The following ENOX2 variants were observed in gnomAD, a reference collection of about 807,000 sequenced individuals.
ENOX2 encodes the protein APK1 antigen.
A neutral mutation model predicts 45.0 loss-of-function variants in ENOX2; 36 were observed. The ratio of observed to expected loss-of-function variants is 0.80; its 90% CI spans 0.61 to 1.06. ENOX2 has a LOEUF of 1.06. Ranked by LOEUF, ENOX2 falls within the 50% of genes least tolerant of loss-of-function variation. The pLI is 0.00. For missense variants in ENOX2, 423 were observed against 462.5 expected (o/e 0.91, Z 0.78); for synonymous variants, 174 against 152.3 (o/e 1.14, Z -1.05).
chrX:130,894,704 A>G (rs2079033762), intron 2 of ENOX2, among the ~76,000 whole-genome samples: 1 of 111,352 alleles, frequency 9.0e-6, no homozygotes, highest in Non-Finnish European at 1.9e-5. Flanking sequence ...CATATAGGAC[A>G]ATGGCCATAC....
chrX:130,847,306 T>C (rs1166810917), intron 2 of ENOX2, among the ~76,000 whole-genome samples: 2 of 111,633 alleles, frequency 1.8e-5, no homozygotes, highest in Non-Finnish European at 3.8e-5. Flanking sequence ...TATTAATATA[T>C]AAGCATAATT....
At chrX:130,790,630 A>G (rs2077029595) in intron 2 of ENOX2, among the ~76,000 whole-genome samples, 2 of 112,455 alleles carry the variant, frequency 1.8e-5, no homozygotes, top group South Asian at 7.4e-4. Flanking sequence ...GAACTACAGC[A>G]TTCACTGAAT....
chrX:130,727,686 A>G (rs930721797), intron 3 of ENOX2, among the ~76,000 whole-genome samples: 2 of 112,257 alleles, frequency 1.8e-5, no homozygotes, highest in African/African-American at 3.2e-5. Flanking sequence ...CAGAGCAGGA[A>G]AGGTTGCAGA....
Position 130,677,959 on chromosome X carries a change from C to T in ENOX2, c.460+1583G>A, listed in dbSNP as rs145288192. The stretch of plus-strand genomic sequence containing the variant: ...AAAATTAGCCGGGCGTGGTGGCAGG[C>T]GCCTGTAATCCCACCTACTCGGGAG... On this transcript the variant is annotated intron_variant, in intron 6 of 14. Transcript: ENST00000394363. Among the ~76,000 whole-genome samples the T allele has an allele frequency of 1.3e-3, 137 of 108,885 alleles. 1 individual carries two copies. The highest frequency in any genetic ancestry group is 9.0e-4 in the Non-Finnish European group (47 of 52,347). 94.6% of individuals were successfully genotyped at this position (108,885 alleles called of 115,157 possible). A position where few individuals can be genotyped will look rare whatever the true frequency, so the allele number is the denominator to read the frequency against.
At chrX:130,756,819 T>C (rs2039365990) in intron 3 of ENOX2, among the ~76,000 whole-genome samples, 1 of 112,353 alleles carries the variant, frequency 8.9e-6, no homozygotes, top group Non-Finnish European at 1.9e-5. Context: ...AATTGGTAAA[T>C]TGACTTTGGG....
At chrX:130,837,653 G>A (rs1312859992) in intron 2 of ENOX2, among the ~76,000 whole-genome samples, 1 of 111,310 alleles carries the variant, frequency 9.0e-6, no homozygotes, top group Admixed American at 9.5e-5. Context: ...AATTCCTATG[G>A]CTACCTGGGT....
intron 2 of ENOX2, among the ~76,000 whole-genome samples, chrX:130,867,756 T>G (rs1183591966): frequency 8.9e-6 from 1 of 111,753 alleles, no homozygotes; most frequent in Non-Finnish European, 1.9e-5. Flanking sequence ...TTTGAGAAAA[T>G]TACTGCCAAA....
chrX:130,886,293 G>A (rs1255083277), intron 2 of ENOX2, among the ~76,000 whole-genome samples: 1 of 112,771 alleles, frequency 8.9e-6, no homozygotes, highest in Non-Finnish European at 1.9e-5. Flanking sequence ...AAGCGTAGGA[G>A]CATAATATTT....
At chrX:130,779,395 C>T (rs921431752) in intron 3 of ENOX2, among the ~76,000 whole-genome samples, 1 of 112,226 alleles carries the variant, frequency 8.9e-6, no homozygotes, top group Non-Finnish European at 1.9e-5. Context: ...GATTACTGGT[C>T]TACTTCATAG....
Position 130,656,630 on chromosome X carries a change from AG to A in ENOX2, c.1079del (p.Ser360LeufsTer5). On this transcript the variant is annotated frameshift_variant, in exon 10 of 15. Coordinates refer to ENST00000394363, the MANE Select transcript of ENOX2 (RefSeq NM_006375.4). LOFTEE classifies it high-confidence loss of function. Reference protein sequence around the residue: ...GIRREEEMEMSDDEIEEMTET... With the variant: ...GIRREEEMEMXDDEIEEMTET... ...CTGTCATTTCTTCTATTTCATCATC[AG>A]ACATTTCCATTTCTTCTTCTCGCCT... 1 of 1,179,784 alleles carries A rather than the reference AG, an allele frequency of 8.5e-7. No homozygotes were observed. Among genetic ancestry groups the A allele is most frequent in the Non-Finnish European group, 1.1e-6 (1 of 869,730 alleles).
At chrX:130,712,765 T>C (rs1187461315) in intron 3 of ENOX2, among the ~76,000 whole-genome samples, 1 of 111,619 alleles carries the variant, frequency 9.0e-6, no homozygotes, top group East Asian at 2.8e-4. Flanking sequence ...CTTCCAAGTG[T>C]ACTTTACCCT....
At chrX:130,716,121 T>C (rs995321121) in intron 3 of ENOX2, among the ~76,000 whole-genome samples, 8 of 111,589 alleles carry the variant, frequency 7.2e-5, no homozygotes, top group African/African-American at 1.6e-4. Context: ...ATTATGGTTT[T>C]GTGATTAAAA....
chrX:130,712,474 T>C (rs1227422456), intron 3 of ENOX2, among the ~76,000 whole-genome samples: 1 of 111,721 alleles, frequency 9.0e-6, no homozygotes, highest in East Asian at 2.8e-4. Flanking sequence ...GGCATGTGCA[T>C]TAAGAGACAA....
At chrX:130,674,364 T>C (rs1157031146) in intron 6 of ENOX2, among the ~76,000 whole-genome samples, 1 of 93,080 alleles carries the variant, frequency 1.1e-5, no homozygotes, top group East Asian at 3.3e-4. Context: ...GAAAAAAGAC[T>C]GAAAAAAAAA....
intron 2 of ENOX2, among the ~76,000 whole-genome samples, chrX:130,871,986 C>T (rs2078602813): frequency 1.8e-5 from 2 of 111,885 alleles, no homozygotes; most frequent in Admixed American, 1.9e-4. Context: ...CTCTTAGAAA[C>T]TTTTTCTTCT....
At chrX:130,641,741 A>G (rs937741819) in intron 10 of ENOX2, among the ~76,000 whole-genome samples, 1 of 106,383 alleles carries the variant, frequency 9.4e-6, no homozygotes, top group African/African-American at 3.4e-5. Flanking sequence ...AAAAAAAAAA[A>G]GAGAGAATTA....
At chrX:130,733,997 A>G (rs182999026) in intron 3 of ENOX2, among the ~76,000 whole-genome samples, 9 of 112,498 alleles carry the variant, frequency 8.0e-5, no homozygotes, top group Admixed American at 5.6e-4. Flanking sequence ...AAAAGAAAAA[A>G]GATGTGGATA....
At position 130,862,458 on chromosome X, in the gene ENOX2, T is replaced by C. The variant is rs2078423901; in HGVS notation, c.-183+39226A>G. The stretch of plus-strand genomic sequence containing the variant: ...TTCCCACCAATGCTTTCAATTCTCC[T>C]AAACCTGCCCTATTTCTTCCATATC... On this transcript the variant is annotated intron_variant, in intron 2 of 14. Coordinates refer to ENST00000394363, the MANE Select transcript of ENOX2 (RefSeq NM_006375.4). Among the ~76,000 whole-genome samples the C allele has an allele frequency of 1.8e-5, 2 of 111,169 alleles. 1 individual carries two copies. Among genetic ancestry groups the C allele is most frequent in the South Asian group, 7.6e-4 (2 of 2,632 alleles).
At chrX:130,668,735 G>A (rs1490498645) in intron 7 of ENOX2, among the ~76,000 whole-genome samples, 3 of 112,077 alleles carry the variant, frequency 2.7e-5, no homozygotes, top group Admixed American at 9.4e-5. Flanking sequence ...CCCTTTTTCA[G>A]TGCAGACATA....
Sources: allele counts gnomAD v4.1 joint callset (sites outside exome capture counted in the v4.1 genomes callset), GRCh38; gene constraint gnomAD v4.1.1; transcripts MANE v1.5; gene names NCBI Gene and HGNC (gene_info 2026-07-23, HGNC 2026-07-21).